HMCN2: variants seen among roughly 807,000 people sequenced by gnomAD.
The protein encoded by HMCN2 is hemicentin 2.
HMCN2 carries 325 observed loss-of-function variants against 377.5 expected under a neutral mutation model. The observed-to-expected ratio is 0.86, with a 90% CI of 0.79 to 0.94. The LOEUF is 0.94. HMCN2 is among the 40% of genes least tolerant of loss of function. The pLI, the probability that HMCN2 is intolerant of heterozygous loss-of-function variation, is 0.00. For missense variants in HMCN2, 4,543 were observed against 4,725.3 expected (o/e 0.96, Z 1.13); for synonymous variants, 2,007 against 2,046.8 (o/e 0.98, Z 0.53).
Position 130,343,959 on chromosome 9 carries a change from G to A in HMCN2, c.3829+1523G>A, listed in dbSNP as rs991315302. Among the ~76,000 whole-genome samples the A allele has an allele frequency of 4.7e-4, 71 of 152,348 alleles. 1 individual carries two copies. The highest frequency in any genetic ancestry group is 1.7e-3 in the African/African-American group (69 of 41,584). ...GGTGGGGCGTGAAGGCCCAGAGCCTGGACACCCACTTGGTGGTGTGTGTGG... is the reference window on the plus strand; with the variant it reads ...GGTGGGGCGTGAAGGCCCAGAGCCTAGACACCCACTTGGTGGTGTGTGTGG... On this transcript the variant is annotated intron_variant, in intron 25 of 97. Coordinates refer to ENST00000683500, the MANE Select transcript of HMCN2 (RefSeq NM_001291815.2).
In HMCN2 at chr9:130,430,338, T is replaced by C; in HGVS notation, c.14381T>C (p.Leu4794Pro). 1.3e-6 allele frequency: 2 copies of C among 1,547,706 alleles called. No individual in the cohort carries two copies. The highest frequency in any genetic ancestry group is 1.7e-6 in the Non-Finnish European group (2 of 1,146,888). ...GCCTGCGCCTACCAGTGCCACAACCTCCAGGGCAGCTACCGCTGCCTGTGC... is the reference window on the plus strand; with the variant it reads ...GCCTGCGCCTACCAGTGCCACAACCCCCAGGGCAGCTACCGCTGCCTGTGC... ...PKACAYQCHN[L>P]QGSYRCLCPP... Residue 4794 changes from leucine to proline, a missense_variant, in exon 95 of 98, where the codon CTC (leucine) becomes CCC (proline). Leu to Pro is a moderately conservative substitution (Grantham distance 98, BLOSUM62 -3). This residue lies in a region of HMCN2 where 1,155 missense variants were observed against 1,157.7 expected (regional missense o/e 1.00). Coordinates refer to ENST00000683500, the MANE Select transcript of HMCN2 (RefSeq NM_001291815.2).
intron 31 of HMCN2, among the ~76,000 whole-genome samples, chr9:130,354,173 G>C (rs566535794): frequency 6.6e-6 from 1 of 152,328 alleles, no homozygotes; most frequent in South Asian, 2.1e-4. Flanking sequence ...GTTGCCCCTT[G>C]TGCCCTGGTA....
intron 54 of HMCN2, among the ~76,000 whole-genome samples, chr9:130,380,940 T>C (rs1308731399): frequency 6.3e-5 from 2 of 31,820 alleles, no homozygotes; most frequent in East Asian, 6.3e-3. Flanking sequence ...GGGTGCACAG[T>C]AGGCTCTGAC....
intron 4 of HMCN2, among the ~76,000 whole-genome samples, chr9:130,293,434 G>A (rs886166113): frequency 1.3e-5 from 2 of 151,794 alleles, no homozygotes; most frequent in Non-Finnish European, 2.9e-5. Flanking sequence ...CAGTTTTAGG[G>A]TTTGCACAGG....
At chr9:130,336,219 G>A (rs927755926) in intron 22 of HMCN2, among the ~76,000 whole-genome samples, 10 of 152,210 alleles carry the variant, frequency 6.6e-5, no homozygotes, top group Non-Finnish European at 1.0e-4. Context: ...AAACTGTGGT[G>A]TGATCATACA....
At chr9:130,427,475 A>G in intron 91 of HMCN2, 22 bp from the exon 92 acceptor site, 1 of 1,550,130 alleles carries the variant, frequency 6.5e-7, no homozygotes, top group East Asian at 2.4e-5. Flanking sequence ...AGCGGAGACC[A>G]CCAGACCCCT....
rs1170443802 is a variant in HMCN2 at position 130,391,959 on chromosome 9, C to T, written c.9977C>T (p.Ala3326Val). 4 of 988,298 alleles carry T rather than the reference C, an allele frequency of 4.0e-6. 1 individual carries two copies. In the South Asian group the frequency reaches 1.4e-4, roughly 35 times the overall value. The allele number at this position is 988,298 out of a possible 1,614,324, so 61.2% of individuals were successfully genotyped here. Reference protein sequence around the residue: ...VLVPPTIKQGADGSGTLVSRP... With the variant: ...VLVPPTIKQGVDGSGTLVSRP... ...GTTCCTCCCACCATCAAGCAGGGAGCAGACGGCTCGGGGACCCTGGTGAGC... is the reference window on the plus strand; with the variant it reads ...GTTCCTCCCACCATCAAGCAGGGAGTAGACGGCTCGGGGACCCTGGTGAGC... The change falls in exon 66 of 98, where the codon GCA becomes GTA. Residue 3326 changes from alanine to valine, a missense_variant. This residue lies in a region of HMCN2 where 1,073 missense variants were observed against 1,319.5 expected (regional missense o/e 0.81). Transcript: ENST00000683500.
chr9:130,426,973 C>T (rs953775031), intron 90 of HMCN2, among the ~76,000 whole-genome samples: 15 of 152,178 alleles, frequency 9.9e-5, no homozygotes. Context: ...ATCCTCTGCC[C>T]CTCCGCACGG....
Position 130,433,477 on chromosome 9 carries a change from G to T in HMCN2, c.15024G>T (p.Glu5008Asp). 2 of 1,499,636 alleles carry T rather than the reference G, an allele frequency of 1.3e-6. No individual in the cohort carries two copies. The highest frequency in any genetic ancestry group is 8.8e-7 in the Non-Finnish European group (1 of 1,132,246). The allele number at this position is 1,499,636 out of a possible 1,614,324, so 92.9% of individuals were successfully genotyped here. ...TGGCCCGCCTCACCGCCTTCTCCGA[G>T]GTCGGCGTCCCCGCCAACCGCACCG... ...HDVARLTAFS[E>D]VGVPANRTEL... The change falls in exon 98 of 98, where the codon GAG becomes GAT. Residue 5008 changes from glutamate to aspartate, a missense_variant. Around this residue, in one of 5 missense-constraint regions of HMCN2, gnomAD observed 1,155 missense variants for 1,157.7 expected, o/e 1.00. Transcript: ENST00000683500.
chr9:130,412,567 CTT>C (rs55873444), intron 85 of HMCN2, among the ~76,000 whole-genome samples: 23 of 134,528 alleles, frequency 1.7e-4, no homozygotes, highest in African/African-American at 6.3e-4. Flanking sequence ...CTTTCTTTCT[CTT>C]TTTTTTTTTT....
chr9:130,430,659 C>T, intron 95 of HMCN2, 55 bp downstream of exon 95: 2 of 1,471,284 alleles, frequency 1.4e-6, no homozygotes, highest in African/African-American at 1.4e-5. Context: ...CTCTTGGGCC[C>T]CTAGGGTGGG....
chr9:130,360,671 G>A lies in HMCN2; in HGVS notation c.5950+67G>A, dbSNP rs913641965. 20 of 1,032,560 alleles carry A rather than the reference G, an allele frequency of 1.9e-5. No homozygotes were observed. The Middle Eastern group carries it at 8.3e-4, about 43-fold the overall frequency. The allele number at this position is 1,032,560 out of a possible 1,614,324, so 64.0% of individuals were successfully genotyped here. ...TGTCTTTTCATTCATTTGTCTATTA[G>A]TCTGTCCATCCACCTGTCCACTCAT... On this transcript the variant is annotated intron_variant, in intron 38 of 97. Transcript: ENST00000683500. This position sits in a 1 kb window ranked among gnomAD's most constrained non-coding sequence, Gnocchi z 4.7.
intron 23 of HMCN2, among the ~76,000 whole-genome samples, chr9:130,340,434 C>T (rs1838984151): frequency 6.6e-6 from 1 of 152,132 alleles, no homozygotes; most frequent in African/African-American, 2.4e-5. Flanking sequence ...ATGCTGCCTC[C>T]GAACCTTGCT....
At chr9:130,332,878 G>A (rs1838499936) in intron 22 of HMCN2, among the ~76,000 whole-genome samples, 1 of 152,246 alleles carries the variant, frequency 6.6e-6, no homozygotes, top group Non-Finnish European at 1.5e-5. Flanking sequence ...AGCAGGCTGG[G>A]TGACTCTGGC....
intron 34 of HMCN2, 113 bp downstream of exon 34, chr9:130,356,370 C>A: frequency 1.5e-5 from 16 of 1,061,198 alleles, no homozygotes; most frequent in Admixed American, 3.6e-5. Context: ...TGCTGGATGG[C>A]GTTTCTGGGC....
At chr9:130,297,568 C>T (rs1164747643) in intron 7 of HMCN2, among the ~76,000 whole-genome samples, 1 of 152,168 alleles carries the variant, frequency 6.6e-6, no homozygotes, top group Non-Finnish European at 1.5e-5. Context: ...AGCTCAGCTC[C>T]TCCTGGGAGG....
At chr9:130,274,783 G>A (rs1266818489) in intron 1 of HMCN2, among the ~76,000 whole-genome samples, 3 of 151,920 alleles carry the variant, frequency 2.0e-5, no homozygotes, top group African/African-American at 7.3e-5. Flanking sequence ...ACATAATATG[G>A]CATGAATATC....
intron 80 of HMCN2, among the ~76,000 whole-genome samples, chr9:130,404,154 C>A (rs1028383743): frequency 6.6e-6 from 1 of 152,214 alleles, no homozygotes; most frequent in African/African-American, 2.4e-5. Flanking sequence ...GGCACACACA[C>A]AATTACATGT....
rs1037427984 is a variant in HMCN2 at position 130,365,743 on chromosome 9, G to A, written c.6505+16G>A. 1.2e-5 allele frequency: 12 copies of A among 984,544 alleles called. No homozygotes were observed. The highest frequency in any genetic ancestry group is 1.4e-5 in the Non-Finnish European group (12 of 828,720). The allele number at this position is 984,544 out of a possible 1,614,324, so 61.0% of individuals were successfully genotyped here. On this transcript the variant is annotated intron_variant, in intron 42 of 97. Coordinates refer to ENST00000683500, the MANE Select transcript of HMCN2 (RefSeq NM_001291815.2). ...AACGTCTGGGGTGAGGGTCTCCCAG[G>A]CTGGGCAGGGGGAGGGGGCTGCTGC...
Sources: allele counts gnomAD v4.1 joint callset (sites outside exome capture counted in the v4.1 genomes callset), GRCh38; gene constraint gnomAD v4.1.1; regional missense constraint gnomAD v4.1.1; non-coding constraint Gnocchi (gnomAD v3.1); transcripts MANE v1.5; gene names NCBI Gene and HGNC (gene_info 2026-07-23, HGNC 2026-07-21).